The following UMAD1 variants were observed in gnomAD, a reference collection of about 807,000 sequenced individuals.
UMAD1 encodes the protein UBAP1-MVB12-associated (UMA)-domain containing protein 1.
In UMAD1, 8 loss-of-function variants were observed where a neutral mutation model predicts 6.1. The observed-to-expected ratio is 1.30, with a 90% confidence interval of 0.76 to 2.35. The LOEUF is 2.35. Among genes scored for constraint, UMAD1 ranks in the 30% most tolerant of loss-of-function variants. UMAD1 has a pLI of 0.00. For synonymous variants in UMAD1, 56 were observed against 31.4 expected, an observed-to-expected ratio of 1.78 and a Z score of -2.61; for missense variants, 130 against 78.4, an observed-to-expected ratio of 1.66 and a Z score of -2.49.
At chr7:7,835,385 TTC>T (rs1329111102) in intron 3 of UMAD1, among the ~76,000 whole-genome samples, 2 of 148,750 alleles carry the variant, frequency 1.3e-5, no homozygotes, top group Non-Finnish European at 3.0e-5. Context: ...AACTTCTGCT[TTC>T]TTTTTTTTTT....
chr7:7,703,092 G>T (rs911598788), intron 2 of UMAD1, among the ~76,000 whole-genome samples: 2 of 152,080 alleles, frequency 1.3e-5, no homozygotes, highest in African/African-American at 4.8e-5. Flanking sequence ...GAACTTCCTT[G>T]CCAAACCTTC....
intron 3 of UMAD1, among the ~76,000 whole-genome samples, chr7:7,817,171 A>G (rs1348565494): frequency 6.6e-6 from 1 of 152,164 alleles, no homozygotes; most frequent in East Asian, 1.9e-4. Flanking sequence ...TCACTGAGCA[A>G]ATTCCTGTTC....
intron 3 of UMAD1, among the ~76,000 whole-genome samples, chr7:7,831,516 C>T (rs978669235): frequency 6.6e-5 from 10 of 152,162 alleles, no homozygotes; most frequent in Non-Finnish European, 1.3e-4. Flanking sequence ...ACTTTTTACT[C>T]TTCTGAAATT....
intron 2 of UMAD1, among the ~76,000 whole-genome samples, chr7:7,709,817 G>T (rs567678781): frequency 4.6e-5 from 7 of 151,820 alleles, no homozygotes; most frequent in African/African-American, 1.5e-4. Context: ...TATTCAGAAT[G>T]ACAATGTGAT....
chr7:7,688,163 T>C (rs1025246841), intron 2 of UMAD1, among the ~76,000 whole-genome samples: 2 of 152,196 alleles, frequency 1.3e-5, no homozygotes, highest in African/African-American at 4.8e-5. Context: ...ATTCCCTGCA[T>C]TACATCAGAT....
intron 2 of UMAD1, among the ~76,000 whole-genome samples, chr7:7,791,667 A>G (rs536915232): frequency 1.1e-4 from 17 of 152,336 alleles, no homozygotes; most frequent in South Asian, 6.2e-4. Context: ...CTGAGAACTA[A>G]GGACATCAGT....
chr7:7,730,994 G>A (rs932478095), intron 2 of UMAD1, among the ~76,000 whole-genome samples: 21 of 152,054 alleles, frequency 1.4e-4, no homozygotes, highest in Middle Eastern at 3.2e-3. Context: ...GATCAAGTAT[G>A]TTTTTTGTTT....
At chr7:7,704,598 GAAAA>G (rs35661728) in intron 2 of UMAD1, among the ~76,000 whole-genome samples, 2,295 of 93,600 alleles carry the variant, frequency 0.025, 79 homozygotes, top group African/African-American at 0.085. Context: ...TACTAAAATA[GAAAA>G]AAAAAAAAAA....
At chr7:7,736,340 T>C (rs566600263) in intron 2 of UMAD1, 9 of 153,206 alleles carry the variant, frequency 5.9e-5, no homozygotes, top group African/African-American at 2.2e-4. Flanking sequence ...CCAGCTGTCA[T>C]TCTAAAACAT....
intron 2 of UMAD1, among the ~76,000 whole-genome samples, chr7:7,792,896 A>G (rs1782596353): frequency 6.6e-6 from 1 of 152,182 alleles, no homozygotes; most frequent in Non-Finnish European, 1.5e-5. Context: ...GGGACAGCCC[A>G]GCTCTCTTCA....
chr7:7,771,535 G>T (rs1782101525), intron 2 of UMAD1, among the ~76,000 whole-genome samples: 1 of 152,052 alleles, frequency 6.6e-6, no homozygotes, highest in Admixed American at 6.6e-5. Context: ...GAAGTTGGGG[G>T]TTCACAGATC....
intron 3 of UMAD1, among the ~76,000 whole-genome samples, chr7:7,850,502 A>G (rs1156612076): frequency 1.3e-5 from 2 of 152,084 alleles, no homozygotes; most frequent in Admixed American, 6.6e-5. Context: ...ATTGATCACA[A>G]TATCATATTT....
chr7:7,817,628 C>G (rs73055824), intron 3 of UMAD1, among the ~76,000 whole-genome samples: 17,268 of 152,192 alleles, frequency 0.11, 1,226 homozygotes, highest in East Asian at 0.19. Flanking sequence ...TAAAGTGACT[C>G]TTGCCTCTCT....
At chr7:7,733,089 G>T (rs964365402) in intron 2 of UMAD1, among the ~76,000 whole-genome samples, 5 of 152,122 alleles carry the variant, frequency 3.3e-5, no homozygotes, top group Admixed American at 2.0e-4. Flanking sequence ...GAAATGTCAG[G>T]CATTTTTGTG....
chr7:7,791,044 C>T (rs1782558469), intron 2 of UMAD1, among the ~76,000 whole-genome samples: 1 of 152,162 alleles, frequency 6.6e-6, no homozygotes, highest in African/African-American at 2.4e-5. Context: ...CCCACACCAC[C>T]ACACCTCTAA....
intron 3 of UMAD1, among the ~76,000 whole-genome samples, chr7:7,872,516 C>A (rs917313273): frequency 3.3e-5 from 5 of 152,180 alleles, no homozygotes; most frequent in African/African-American, 1.2e-4. Context: ...GATCACTGAT[C>A]ATGCCTCACC....
chr7:7,699,056 G>T (rs569034394), intron 2 of UMAD1, among the ~76,000 whole-genome samples: 7 of 151,038 alleles, frequency 4.6e-5, no homozygotes, highest in Admixed American at 6.6e-5. Flanking sequence ...GTGTGGGGGG[G>T]GGGTAGATAC....
At position 7,878,707 on chromosome 7, in the gene UMAD1, A is replaced by G. The variant is rs935407225; in HGVS notation, c.*1169A>G. On this transcript the variant is annotated 3_prime_UTR_variant, in exon 4 of 4. Coordinates refer to ENST00000682710, the MANE Select transcript of UMAD1 (RefSeq NM_001302348.2). ...TTTTTTCACAAAGATAGAGTGCCAT[A>G]GTGAAACTAAACACTGTGCATAAAG... The G allele has an allele frequency of 2.6e-5, 4 of 152,252 alleles. No homozygotes were observed. The highest frequency in any genetic ancestry group is 2.1e-4 in the South Asian group (1 of 4,836). 9.4% of individuals were successfully genotyped at this position (152,252 alleles called of 1,614,324 possible).
rs1782755399 is a variant in UMAD1, at chr7:7,799,490, G to A, written c.83-2180G>A. 3.3e-5 allele frequency among the ~76,000 whole-genome samples: 5 copies of A among 152,226 alleles called. No homozygotes were observed. The South Asian group carries it at 1.0e-3, about 32-fold the overall frequency. ...TCGAAATCAGAAAATGGCGAAGGAAGGACTTTGTGCTGCATGATTTTAACC... is the reference window on the plus strand; with the variant it reads ...TCGAAATCAGAAAATGGCGAAGGAAAGACTTTGTGCTGCATGATTTTAACC... On this transcript the variant is annotated intron_variant, in intron 2 of 3. Coordinates refer to ENST00000682710, the MANE Select transcript of UMAD1 (RefSeq NM_001302348.2).
Sources: gnomAD v4.1 joint callset for allele counts (sites outside exome capture counted in the v4.1 genomes callset) on GRCh38, gnomAD v4.1.1 for gene constraint, MANE v1.5 for transcripts, NCBI Gene and HGNC (gene_info 2026-07-23, HGNC 2026-07-21) for gene names.